The following NAALADL2 variants were observed in gnomAD, a reference collection of about 807,000 sequenced individuals.
The protein encoded by NAALADL2 is inactive N-acetylated-alpha-linked acidic dipeptidase-like protein 2.
A neutral mutation model predicts 87.2 loss-of-function variants in NAALADL2; 76 were observed. That is an observed-to-expected ratio of 0.87 (90% confidence interval 0.72 to 1.05). NAALADL2 has a LOEUF of 1.05. Ranked by LOEUF, NAALADL2 falls within the 50% of genes least tolerant of loss-of-function variation. The pLI, the probability that NAALADL2 is intolerant of heterozygous loss-of-function variation, is 0.00. For synonymous variants in NAALADL2, 354 were observed against 331.0 expected, an observed-to-expected ratio of 1.07 and a Z score of -0.75; for missense variants, 1,089 against 945.8, an observed-to-expected ratio of 1.15 and a Z score of -1.99.
At chr3:174,959,725 C>T (rs142369907) in intron 1 of NAALADL2, among the ~76,000 whole-genome samples, 224 of 152,158 alleles carry the variant, frequency 1.5e-3, no homozygotes, top group African/African-American at 5.1e-3. Flanking sequence ...GTCTAAATTT[C>T]GGTTATCACA....
intron 1 of NAALADL2, among the ~76,000 whole-genome samples, chr3:174,491,717 T>G (rs1718204840): frequency 1.3e-5 from 2 of 152,192 alleles, no homozygotes; most frequent in Admixed American, 1.3e-4. Context: ...ACATATCATA[T>G]CATATAGTCT....
At chr3:175,249,470 T>G (rs892666231) in intron 3 of NAALADL2, among the ~76,000 whole-genome samples, 2 of 152,140 alleles carry the variant, frequency 1.3e-5, no homozygotes, top group Non-Finnish European at 2.9e-5. Flanking sequence ...AGGTATAAAT[T>G]TAATATTTGC....
chr3:175,040,466 ACGG>A (rs1753934629), intron 1 of NAALADL2, among the ~76,000 whole-genome samples: 1 of 152,148 alleles, frequency 6.6e-6, no homozygotes, highest in South Asian at 2.1e-4. Context: ...TAGAAAACTT[ACGG>A]GGGCCGTTTC....
intron 2 of NAALADL2, among the ~76,000 whole-genome samples, chr3:175,130,883 G>A (rs1727727989): frequency 6.6e-6 from 1 of 152,100 alleles, no homozygotes; most frequent in Non-Finnish European, 1.5e-5. Flanking sequence ...TACTTTGGCT[G>A]TTCACTGTCT....
chr3:174,653,090 A>T (rs1724543050), intron 2 of NAALADL2, among the ~76,000 whole-genome samples: 1 of 152,202 alleles, frequency 6.6e-6, no homozygotes, highest in African/African-American at 2.4e-5. Context: ...GAACTCTCAT[A>T]AATGGTGATG....
At chr3:175,093,416 T>TGTATATATA (rs1489640629) in intron 1 of NAALADL2, among the ~76,000 whole-genome samples, 14 of 139,510 alleles carry the variant, frequency 1.0e-4, no homozygotes, top group Non-Finnish European at 1.2e-4. Context: ...TTTTATTTTT[T>TGTATATATA]TATATATATA....
At chr3:174,453,228 A>G (rs745692335) in intron 1 of NAALADL2, among the ~76,000 whole-genome samples, 1 of 152,196 alleles carries the variant, frequency 6.6e-6, no homozygotes, top group Admixed American at 6.5e-5. Context: ...TCAAATAAGA[A>G]TAGATTAAAA....
At position 174,562,042 on chromosome 3, in the gene NAALADL2, A is replaced by G. The variant is rs1460613470; in HGVS notation, c.-115+11405A>G. 5.3e-5 allele frequency among the ~76,000 whole-genome samples: 8 copies of G among 152,184 alleles called. No individual in the cohort carries two copies. In the East Asian group the frequency reaches 1.5e-3, roughly 29 times the overall value. On this transcript the variant is annotated intron_variant, in intron 2 of 3. Coordinates refer to the NAALADL2 transcript ENST00000434257. Reference sequence around the variant, plus strand: ...TAAATTTTTAATATTAAAAGAACCTACTAAATTATTTTTAAAAGATGCATT... The same window carrying G: ...TAAATTTTTAATATTAAAAGAACCTGCTAAATTATTTTTAAAAGATGCATT...
intron 1 of NAALADL2, among the ~76,000 whole-genome samples, chr3:174,909,443 C>G (rs1733399149): frequency 6.6e-6 from 1 of 152,048 alleles, no homozygotes; most frequent in Non-Finnish European, 1.5e-5. Flanking sequence ...CTTGTGCAAA[C>G]TCATGATCAT....
At chr3:175,075,976 C>T (rs939572750) in intron 1 of NAALADL2, among the ~76,000 whole-genome samples, 34 of 152,046 alleles carry the variant, frequency 2.2e-4, no homozygotes, top group African/African-American at 7.7e-4. Context: ...TCACGTAATC[C>T]CAGTACTTTA....
chr3:175,689,521 CACTT>C (rs1469511568), intron 11 of NAALADL2, among the ~76,000 whole-genome samples: 2 of 152,114 alleles, frequency 1.3e-5, no homozygotes, highest in East Asian at 3.9e-4. Context: ...CTTGAATTCT[CACTT>C]ACGACTTCAA....
chr3:174,663,356 A>G (rs1218430513), intron 2 of NAALADL2, among the ~76,000 whole-genome samples: 1 of 152,208 alleles, frequency 6.6e-6, no homozygotes, highest in Non-Finnish European at 1.5e-5. Context: ...ATTGCTATAA[A>G]GGAAATACCT....
In NAALADL2 at chr3:175,160,581, A is replaced by G. The variant is rs546428267; in HGVS notation, c.545+63290A>G. 1.8e-3 allele frequency among the ~76,000 whole-genome samples: 276 copies of G among 151,046 alleles called. 1 individual carries two copies. The highest frequency in any genetic ancestry group is 5.2e-3 in the African/African-American group (216 of 41,290). On this transcript the variant is annotated intron_variant, in intron 2 of 13. Transcript: ENST00000454872. Reference sequence around the variant, plus strand: ...TGGTCAGGCTGGTCTTGAGCTCCCAACCTCAGGTGATCCGCCCGCCTCGGC... The same window carrying G: ...TGGTCAGGCTGGTCTTGAGCTCCCAGCCTCAGGTGATCCGCCCGCCTCGGC...
At chr3:175,244,516 A>T (rs1159871444) in intron 3 of NAALADL2, among the ~76,000 whole-genome samples, 1 of 152,018 alleles carries the variant, frequency 6.6e-6, no homozygotes, top group Non-Finnish European at 1.5e-5. Flanking sequence ...GTTAGCTCAG[A>T]TCTACCACCC....
intron 1 of NAALADL2, among the ~76,000 whole-genome samples, chr3:174,898,967 A>C (rs73047006): frequency 3.3e-5 from 5 of 152,144 alleles, no homozygotes; most frequent in Non-Finnish European, 5.9e-5. Context: ...TCAGCCGAAC[A>C]TGTTTATTTT....
At chr3:175,287,713 T>A (rs1755156514) in intron 4 of NAALADL2, among the ~76,000 whole-genome samples, 1 of 152,188 alleles carries the variant, frequency 6.6e-6, no homozygotes, top group Non-Finnish European at 1.5e-5. Context: ...GTCTCCGTCT[T>A]GTGAGTTGGA....
chr3:175,388,369 G>GT (rs1219866413), intron 5 of NAALADL2, among the ~76,000 whole-genome samples: 1 of 152,092 alleles, frequency 6.6e-6, no homozygotes, highest in Non-Finnish European at 1.5e-5. Flanking sequence ...CTGGTGCCAT[G>GT]TGAAACTTAG....
At chr3:174,847,077 C>G (rs1235662462) in intron 3 of NAALADL2, among the ~76,000 whole-genome samples, 3 of 152,122 alleles carry the variant, frequency 2.0e-5, no homozygotes, top group Admixed American at 1.3e-4. Context: ...GTTTCTGTCT[C>G]TAGCAGCTGG....
intron 1 of NAALADL2, among the ~76,000 whole-genome samples, chr3:174,936,342 A>G (rs73047057): frequency 0.029 from 4,426 of 151,024 alleles, 207 homozygotes; most frequent in African/African-American, 0.097. Flanking sequence ...TATTTCTTAT[A>G]TAATAATAAT....
Sources: gnomAD v4.1 joint callset for allele counts (sites outside exome capture counted in the v4.1 genomes callset) on GRCh38, gnomAD v4.1.1 for gene constraint, MANE v1.5 for transcripts, NCBI Gene and HGNC (gene_info 2026-07-23, HGNC 2026-07-21) for gene names.